Variants in TMEM132D observed in about 807,000 individuals in gnomAD.
TMEM132D encodes the protein mature OL transmembrane protein.
TMEM132D carries 21 observed loss-of-function variants against 62.3 expected under a neutral mutation model. The observed-to-expected ratio is 0.34, with a 90% confidence interval of 0.24 to 0.49. The LOEUF (loss-of-function observed/expected upper bound fraction) is 0.49. Ranked by LOEUF, TMEM132D falls within the 20% of genes least tolerant of loss-of-function variation. TMEM132D has a pLI of 0.99. For missense variants in TMEM132D, 1,346 were observed against 1,402.8 expected (o/e 0.96, Z 0.65); for synonymous variants, 621 against 575.6 (o/e 1.08, Z -1.13).
intron 5 of TMEM132D, among the ~76,000 whole-genome samples, chr12:129,091,301 A>T (rs148683437): frequency 1.3e-5 from 2 of 150,244 alleles, no homozygotes; most frequent in East Asian, 4.0e-4. Flanking sequence ...GTCTCTGGGG[A>T]CCTTATATAG....
At chr12:129,665,505 CTTTT>C (rs566219788) in intron 2 of TMEM132D, among the ~76,000 whole-genome samples, 1 of 148,214 alleles carries the variant, frequency 6.7e-6, no homozygotes, top group East Asian at 2.0e-4. Context: ...GGCTTCTAGG[CTTTT>C]TTTTTTCAGT....
At chr12:129,602,509 G>A (rs1033381870) in intron 2 of TMEM132D, among the ~76,000 whole-genome samples, 2 of 152,100 alleles carry the variant, frequency 1.3e-5, no homozygotes, top group Non-Finnish European at 2.9e-5. Flanking sequence ...GGGAGGAGAA[G>A]ATGAACTGAA....
At chr12:129,076,090 A>ACTCTCTCTCTCT (rs145321381) in intron 8 of TMEM132D, among the ~76,000 whole-genome samples, 46 of 151,616 alleles carry the variant, frequency 3.0e-4, no homozygotes, top group Admixed American at 1.3e-3. Flanking sequence ...AGCCAGCATT[A>ACTCTCTCTCTCT]CTCTCTCTCT....
intron 4 of TMEM132D, among the ~76,000 whole-genome samples, chr12:129,229,591 G>A (rs12322445): frequency 7.0e-4 from 107 of 152,300 alleles, no homozygotes; most frequent in Admixed American, 5.0e-3. Flanking sequence ...TCTGTAGGCT[G>A]GGAGAAGCCT....
intron 3 of TMEM132D, among the ~76,000 whole-genome samples, chr12:129,408,063 G>A (rs765805764): frequency 1.6e-4 from 24 of 152,170 alleles, no homozygotes; most frequent in Non-Finnish European, 3.1e-4. Flanking sequence ...CCCTCCGTCT[G>A]CCTGTATTAG....
intron 5 of TMEM132D, among the ~76,000 whole-genome samples, chr12:129,108,535 C>G (rs2135642122): frequency 6.6e-6 from 1 of 152,242 alleles, no homozygotes; most frequent in South Asian, 2.1e-4. Flanking sequence ...GATGACTCGG[C>G]TCAGGTGAAT....
At chr12:129,695,050 C>G (rs114477282) in intron 2 of TMEM132D, among the ~76,000 whole-genome samples, 3 of 152,128 alleles carry the variant, frequency 2.0e-5, no homozygotes, top group Non-Finnish European at 4.4e-5. Context: ...GTTCTGACCA[C>G]GAGGCACCCC....
At chr12:129,898,146 G>A (rs1485697763) in intron 1 of TMEM132D, among the ~76,000 whole-genome samples, 1 of 152,150 alleles carries the variant, frequency 6.6e-6, no homozygotes, top group Non-Finnish European at 1.5e-5. Context: ...ACATTAGCTG[G>A]TATTATTGAC....
chr12:129,177,944 C>T (rs1463420052), intron 5 of TMEM132D, among the ~76,000 whole-genome samples: 1 of 152,076 alleles, frequency 6.6e-6, no homozygotes, highest in Non-Finnish European at 1.5e-5. Context: ...TCTGGTAGGC[C>T]CCAGTGTGTG....
intron 2 of TMEM132D, among the ~76,000 whole-genome samples, chr12:129,639,166 T>C (rs893606654): frequency 6.6e-6 from 1 of 151,732 alleles, no homozygotes; most frequent in Non-Finnish European, 1.5e-5. Context: ...GCGGATCACT[T>C]GAGGTCAGGA....
Position 129,672,799 on chromosome 12 carries a change from G to A in TMEM132D, c.968+27011C>T, listed in dbSNP as rs527300210. 8.5e-5 allele frequency among the ~76,000 whole-genome samples: 13 copies of A among 152,322 alleles called. No homozygotes were observed. The East Asian group carries it at 2.3e-3, about 27-fold the overall frequency. On this transcript the variant is annotated intron_variant, in intron 2 of 8. Transcript: ENST00000422113. ...CAGAGTCTCTATTGTCCAGGCTGGA[G>A]TGCAATGGCACTATCTCGGCTCACT...
chr12:129,181,123 T>C (rs1193671202), intron 5 of TMEM132D, among the ~76,000 whole-genome samples: 1 of 152,084 alleles, frequency 6.6e-6, no homozygotes, highest in East Asian at 1.9e-4. Context: ...AACTGGCACC[T>C]CATACTCAAT....
intron 2 of TMEM132D, among the ~76,000 whole-genome samples, chr12:129,600,548 C>T (rs1259865706): frequency 6.6e-6 from 1 of 152,228 alleles, no homozygotes; most frequent in Non-Finnish European, 1.5e-5. Flanking sequence ...AGAGGAATCA[C>T]TATCTCTGGC....
intron 3 of TMEM132D, among the ~76,000 whole-genome samples, chr12:129,413,565 G>T (rs140758320): frequency 6.6e-6 from 1 of 152,238 alleles, no homozygotes; most frequent in African/African-American, 2.4e-5. Flanking sequence ...TCACCCTAGA[G>T]AAATATAGTT....
At chr12:129,668,248 T>TAATG (rs1880423926) in intron 2 of TMEM132D, among the ~76,000 whole-genome samples, 1 of 147,566 alleles carries the variant, frequency 6.8e-6, no homozygotes, top group African/African-American at 2.5e-5. Context: ...GTGTACCTTA[T>TAATG]TACACTAAAT....
At chr12:129,717,285 C>T (rs1176104116) in intron 1 of TMEM132D, among the ~76,000 whole-genome samples, 1 of 152,198 alleles carries the variant, frequency 6.6e-6, no homozygotes, top group Non-Finnish European at 1.5e-5. Flanking sequence ...AGTGATGTGA[C>T]ATCGTCATTC....
chr12:129,090,424 G>C (rs1248274315), intron 5 of TMEM132D, among the ~76,000 whole-genome samples: 1 of 152,180 alleles, frequency 6.6e-6, no homozygotes, highest in Admixed American at 6.5e-5. Flanking sequence ...CCAGCACTTG[G>C]GGAGGCCAAG....
chr12:129,456,633 C>G (rs1023419892), intron 3 of TMEM132D, among the ~76,000 whole-genome samples: 1 of 152,140 alleles, frequency 6.6e-6, no homozygotes, highest in Admixed American at 6.6e-5. Flanking sequence ...GCCAAATCAC[C>G]AAGCCATAGG....
intron 3 of TMEM132D, among the ~76,000 whole-genome samples, chr12:129,421,175 C>T (rs1343146588): frequency 2.0e-5 from 3 of 152,060 alleles, no homozygotes; most frequent in African/African-American, 4.8e-5. Context: ...GTTGTTCGGG[C>T]TGGTCTCGAA....
Sources: gnomAD v4.1 joint callset for allele counts (sites outside exome capture counted in the v4.1 genomes callset) on GRCh38, gnomAD v4.1.1 for gene constraint, MANE v1.5 for transcripts, NCBI Gene and HGNC (gene_info 2026-07-23, HGNC 2026-07-21) for gene names.